ERBB4: variants seen among roughly 807,000 people sequenced by gnomAD.
ERBB4 encodes the protein erb-b2 receptor tyrosine kinase 4, also known as receptor tyrosine-protein kinase erbB-4.
In ERBB4, 42 loss-of-function variants were observed where a neutral mutation model predicts 158.0. That is an observed-to-expected ratio of 0.27 (90% CI 0.21 to 0.34). The LOEUF is 0.34. Ranked by LOEUF, ERBB4 falls within the 10% of genes least tolerant of loss-of-function variation. ERBB4 has a pLI of 1.00. For synonymous variants in ERBB4, 583 were observed against 558.7 expected (o/e 1.04, Z -0.61); for missense variants, 1,333 against 1,624.1 (o/e 0.82, Z 3.08).
chr2:212,413,134 A>ATTTTTT (rs370397826), intron 1 of ERBB4, among the ~76,000 whole-genome samples: 52 of 101,192 alleles, frequency 5.1e-4, no homozygotes, highest in Non-Finnish European at 6.4e-4. Flanking sequence ...TGCGTGGCTA[A>ATTTTTT]TTTTTTTTTT....
At position 211,383,601 on chromosome 2, in the gene ERBB4, A is replaced by T. The variant is rs373629984; in HGVS notation, c.*14T>A. 73 of 1,611,152 alleles carry T rather than the reference A, an allele frequency of 4.5e-5. 1 individual carries two copies. The African/African-American group carries it at 7.2e-4, about 16-fold the overall frequency. ...AGCAGGTGTGTCTCTCCACCTAAAA[A>T]ACCACAACTGAGCTTACACCACAGT... On this transcript the variant is annotated 3_prime_UTR_variant, in exon 28 of 28. Transcript: ENST00000342788.
intron 3 of ERBB4, among the ~76,000 whole-genome samples, chr2:211,943,807 C>A (rs1410548136): frequency 6.6e-6 from 1 of 151,942 alleles, no homozygotes; most frequent in Admixed American, 6.6e-5. Flanking sequence ...TAAATAAGAT[C>A]TGCAGTAATT....
At position 212,538,437 on chromosome 2, in the gene ERBB4, G is replaced by A. The variant is rs1247717244; in HGVS notation, c.82+12C>T. 4.5e-5 allele frequency: 72 copies of A among 1,613,594 alleles called. No homozygotes were observed. Among genetic ancestry groups the A allele is most frequent in the Non-Finnish European group, 6.0e-5 (71 of 1,179,580 alleles). The stretch of plus-strand genomic sequence containing the variant: ...TGCAGGTTCGGCGACCGGAGTGCCA[G>A]AAGGAACCCACCTGACTGAGAATCG... On this transcript the variant is annotated intron_variant, in intron 1 of 27. Coordinates refer to ENST00000342788, the MANE Select transcript of ERBB4 (RefSeq NM_005235.3).
intron 2 of ERBB4, among the ~76,000 whole-genome samples, chr2:211,956,123 G>T (rs962876666): frequency 6.6e-6 from 1 of 151,320 alleles, no homozygotes; most frequent in South Asian, 2.1e-4. Context: ...ATTTCAAATA[G>T]ACATTTTAAT....
intron 1 of ERBB4, among the ~76,000 whole-genome samples, chr2:212,466,382 A>C (rs1688836415): frequency 6.6e-6 from 1 of 152,142 alleles, no homozygotes; most frequent in Non-Finnish European, 1.5e-5. Context: ...TCCCCACCCA[A>C]ATATCTTCTT....
chr2:211,467,569 T>G (rs1026258353), intron 20 of ERBB4, among the ~76,000 whole-genome samples: 1 of 152,146 alleles, frequency 6.6e-6, no homozygotes, highest in East Asian at 1.9e-4. Flanking sequence ...ATATCTTCCC[T>G]GGAAAGTATA....
chr2:212,332,358 C>A (rs1261829057), intron 1 of ERBB4, among the ~76,000 whole-genome samples: 1 of 152,006 alleles, frequency 6.6e-6, no homozygotes, highest in African/African-American at 2.4e-5. Flanking sequence ...GTCCATTAAA[C>A]TTCTTTCTTT....
intron 4 of ERBB4, among the ~76,000 whole-genome samples, chr2:211,756,806 A>G (rs1453749390): frequency 6.6e-6 from 1 of 152,176 alleles, no homozygotes; most frequent in Admixed American, 6.5e-5. Flanking sequence ...TATCATAGAC[A>G]TATTTTGAGA....
At chr2:211,496,034 TG>T (rs1470441675) in intron 20 of ERBB4, among the ~76,000 whole-genome samples, 3 of 152,084 alleles carry the variant, frequency 2.0e-5, no homozygotes, top group Non-Finnish European at 4.4e-5. Context: ...CTGACATAGT[TG>T]ATCATTCTCT....
At chr2:212,124,326 T>A (rs1575666952) in intron 2 of ERBB4, among the ~76,000 whole-genome samples, 2 of 152,248 alleles carry the variant, frequency 1.3e-5, no homozygotes, top group East Asian at 1.9e-4. Flanking sequence ...TCTTTTTTTT[T>A]AATAACAGTG....
At chr2:211,929,234 A>AGTGTGTGT (rs10542155) in intron 3 of ERBB4, among the ~76,000 whole-genome samples, 3 of 148,360 alleles carry the variant, frequency 2.0e-5, no homozygotes, top group Non-Finnish European at 3.0e-5. Context: ...CTTTGGAATA[A>AGTGTGTGT]GTGTGTGTGT....
chr2:211,726,816 C>T (rs775451983), intron 5 of ERBB4, among the ~76,000 whole-genome samples: 6 of 152,286 alleles, frequency 3.9e-5, no homozygotes, highest in Admixed American at 1.3e-4. Flanking sequence ...TTATGACCAT[C>T]CCCGTACTAA....
At chr2:212,141,396 C>T (rs1448189340) in intron 1 of ERBB4, among the ~76,000 whole-genome samples, 1 of 151,928 alleles carries the variant, frequency 6.6e-6, no homozygotes, top group East Asian at 1.9e-4. Flanking sequence ...ATTTTTATTC[C>T]ATACTGTGTA....
chr2:212,292,616 AAC>A (rs2086249252), intron 1 of ERBB4, among the ~76,000 whole-genome samples: 2 of 152,068 alleles, frequency 1.3e-5, no homozygotes, highest in South Asian at 2.1e-4. Flanking sequence ...ACAGGAAAAA[AAC>A]ACAGTTATAT....
At chr2:211,992,578 A>C (rs887964265) in intron 2 of ERBB4, among the ~76,000 whole-genome samples, 1 of 151,712 alleles carries the variant, frequency 6.6e-6, no homozygotes, top group Non-Finnish European at 1.5e-5. Flanking sequence ...AAAAAAAAAA[A>C]AAACATGAGT....
At chr2:211,388,254 G>A (rs1241764533) in intron 25 of ERBB4, among the ~76,000 whole-genome samples, 1 of 152,118 alleles carries the variant, frequency 6.6e-6, no homozygotes, top group Non-Finnish European at 1.5e-5. Context: ...TTTTTCAATG[G>A]ATTAGAAAAG....
chr2:211,563,418 T>C (rs988797987), intron 19 of ERBB4, among the ~76,000 whole-genome samples: 2 of 152,172 alleles, frequency 1.3e-5, no homozygotes, highest in African/African-American at 4.8e-5. Flanking sequence ...AAATCCATAT[T>C]GTAGGACATT....
intron 1 of ERBB4, among the ~76,000 whole-genome samples, chr2:212,143,190 C>A (rs2080543427): frequency 6.6e-6 from 1 of 151,986 alleles, no homozygotes; most frequent in Admixed American, 6.6e-5. Flanking sequence ...GGAAAAATCA[C>A]CTCATAATTT....
chr2:212,300,125 A>G (rs766941592), intron 1 of ERBB4, among the ~76,000 whole-genome samples: 1 of 151,592 alleles, frequency 6.6e-6, no homozygotes, highest in Admixed American at 6.6e-5. Context: ...CTGTTCACAT[A>G]TAATTACTTA....
Sources: allele counts gnomAD v4.1 joint callset (sites outside exome capture counted in the v4.1 genomes callset), GRCh38; gene constraint gnomAD v4.1.1; transcripts MANE v1.5; gene names NCBI Gene and HGNC (gene_info 2026-07-23, HGNC 2026-07-21).